The following RFC1 variants were observed in gnomAD, a reference collection of about 807,000 sequenced individuals.
RFC1 encodes replication factor C subunit 1.
In RFC1, 37 loss-of-function variants were observed where a neutral mutation model predicts 137.4. That is an observed-to-expected ratio of 0.27 (90% CI 0.21 to 0.35). The LOEUF is 0.35. RFC1 is among the 10% of genes least tolerant of loss of function. The pLI is 1.00. For missense variants in RFC1, 1,205 were observed against 1,358.5 expected (o/e 0.89, Z 1.78); for synonymous variants, 429 against 455.7 (o/e 0.94, Z 0.75).
At chr4:39,344,231 A>G (rs761216371) in intron 3 of RFC1, among the ~76,000 whole-genome samples, 5 of 152,192 alleles carry the variant, frequency 3.3e-5, no homozygotes, top group African/African-American at 4.8e-5. Context: ...TTTTACCATC[A>G]TTTTGTGCAT....
At chr4:39,362,327 T>C (rs1174678361) in intron 1 of RFC1, among the ~76,000 whole-genome samples, 2 of 152,072 alleles carry the variant, frequency 1.3e-5, no homozygotes, top group African/African-American at 4.8e-5. Flanking sequence ...TTCAAGGAAA[T>C]GGAATAGCCA....
chr4:39,318,495 C>G (rs948744580), intron 9 of RFC1, among the ~76,000 whole-genome samples: 1 of 152,212 alleles, frequency 6.6e-6, no homozygotes, highest in African/African-American at 2.4e-5. Flanking sequence ...TTTATGAAGT[C>G]AGAATTATTT....
chr4:39,294,134 C>T (rs1352366299), intron 22 of RFC1, among the ~76,000 whole-genome samples: 1 of 152,126 alleles, frequency 6.6e-6, no homozygotes, highest in East Asian at 1.9e-4. Context: ...TGTTTTAAGC[C>T]ATTATGTGTG....
intron 1 of RFC1, among the ~76,000 whole-genome samples, chr4:39,361,659 T>C (rs1336767798): frequency 1.3e-5 from 2 of 152,176 alleles, no homozygotes; most frequent in East Asian, 3.8e-4. Flanking sequence ...CTAAAAAATT[T>C]AGAATAATGA....
chr4:39,339,508 T>G (rs1461865057), intron 4 of RFC1, among the ~76,000 whole-genome samples: 2 of 152,190 alleles, frequency 1.3e-5, no homozygotes, highest in African/African-American at 4.8e-5. Context: ...ATTAAGCACT[T>G]TTTCATATAC....
At chr4:39,341,814 G>T in intron 4 of RFC1, 1 of 351,918 alleles carries the variant, frequency 2.8e-6, no homozygotes, top group South Asian at 2.2e-5. Flanking sequence ...TTTGAGATTA[G>T]CACATAATTA....
intron 6 of RFC1, among the ~76,000 whole-genome samples, chr4:39,324,480 C>T (rs1048976152): frequency 3.3e-5 from 5 of 152,202 alleles, no homozygotes; most frequent in African/African-American, 1.2e-4. Context: ...TTGACCTAGG[C>T]TACTTGTGCT....
intron 14 of RFC1, among the ~76,000 whole-genome samples, chr4:39,305,199 C>A (rs555967723): frequency 6.6e-6 from 1 of 152,186 alleles, no homozygotes; most frequent in South Asian, 2.1e-4. Context: ...AATCACTAAT[C>A]TGGAAGAGTA....
rs528874096 is a variant in RFC1 at position 39,303,334 on chromosome 4, C to T, written c.2111-183G>A. ...AAAAAGAATATGCAGAGAAGAGAAA[C>T]TCTCCCTGCCACCCCTTCCCCTGCA... On this transcript the variant is annotated intron_variant, in intron 15 of 24. Transcript: ENST00000349703. 3.1e-5 allele frequency: 18 copies of T among 584,784 alleles called. No individual in the cohort carries two copies. The African/African-American group carries it at 3.4e-4, about 11-fold the overall frequency. 36.2% of individuals were successfully genotyped at this position (584,784 alleles called of 1,614,324 possible).
At chr4:39,353,671 G>T (rs528245358) in intron 1 of RFC1, among the ~76,000 whole-genome samples, 2 of 152,242 alleles carry the variant, frequency 1.3e-5, no homozygotes, top group East Asian at 3.9e-4. Context: ...TGGAGCAAAT[G>T]AGTTTCGTAT....
intron 13 of RFC1, chr4:39,307,345 T>A (rs1738726649): frequency 6.5e-6 from 1 of 153,180 alleles, no homozygotes; most frequent in Non-Finnish European, 1.5e-5. Flanking sequence ...TCATACTCAA[T>A]AACTGACAGA....
chr4:39,323,373 T>C lies in RFC1; in HGVS notation c.687A>G (p.Leu229=), dbSNP rs1488248953. ...LHEDEEFART[L]AMLDEEPKTK... ...TCTTGGGTTCTTCATCCAACATGGC[T>C]AATGTTCTGGCAAACTCTTCATCTT... Residue 229 remains leucine, a synonymous_variant, in exon 7 of 25, where the codon TTA becomes TTG. Transcript: ENST00000349703. 6.2e-7 allele frequency: 1 copy of C among 1,614,110 alleles called. No individual in the cohort carries two copies. The highest frequency in any genetic ancestry group is 8.5e-7 in the Non-Finnish European group (1 of 1,179,982).
chr4:39,326,206 T>C (rs560445328), intron 6 of RFC1, among the ~76,000 whole-genome samples: 1 of 152,056 alleles, frequency 6.6e-6, no homozygotes, highest in Admixed American at 6.5e-5. Context: ...TCTCAAAAAA[T>C]AAAAAATAAA....
At chr4:39,336,575 G>A (rs182877637) in intron 4 of RFC1, among the ~76,000 whole-genome samples, 2 of 152,358 alleles carry the variant, frequency 1.3e-5, no homozygotes, top group Non-Finnish European at 1.5e-5. Context: ...TAACCTCCAC[G>A]TTACTGACAT....
At chr4:39,307,011 GATCCCAACTCC>G (rs2109625583) in intron 13 of RFC1, among the ~76,000 whole-genome samples, 1 of 152,218 alleles carries the variant, frequency 6.6e-6, no homozygotes, top group South Asian at 2.1e-4. Flanking sequence ...GCCGGGGCTC[GATCCCAACTCC>G]ATCCATCCTC....
intron 6 of RFC1, among the ~76,000 whole-genome samples, chr4:39,325,079 G>A (rs1161342775): frequency 6.6e-6 from 1 of 152,136 alleles, no homozygotes; most frequent in Non-Finnish European, 1.5e-5. Flanking sequence ...GTGGCCCAGG[G>A]CTCAATCCTG....
intron 23 of RFC1, 26 bp downstream of exon 23, chr4:39,291,613 A>G (rs2109575791): frequency 6.6e-7 from 1 of 1,522,886 alleles, no homozygotes; most frequent in Non-Finnish European, 9.1e-7. Context: ...GAAAGTGACG[A>G]AGAACCAGTG....
At chr4:39,292,951 C>T (rs17335514) in intron 22 of RFC1, among the ~76,000 whole-genome samples, 13 of 151,952 alleles carry the variant, frequency 8.6e-5, no homozygotes, top group Admixed American at 6.6e-5. Flanking sequence ...AGCCTGTATA[C>T]GTAAAACTTC....
chr4:39,320,615 C>T lies in RFC1; in HGVS notation c.863G>A (p.Ser288Asn). 2 of 1,611,598 alleles carry T rather than the reference C, an allele frequency of 1.2e-6. No individual in the cohort carries two copies. Among genetic ancestry groups the T allele is most frequent in the African/African-American group, 1.3e-5 (1 of 74,832 alleles). ...AGATTCTTTTGAACTTTCATATTTA[C>T]TTTGCTTCCTAGGACTGTAGCTCTT... ...ERKSYSPRKQSKYESSKESQQ... is the reference protein window; with the variant it reads ...ERKSYSPRKQNKYESSKESQQ... Residue 288 changes from serine to asparagine, a missense_variant, in exon 9 of 25, where the codon AGT becomes AAT. Around this residue, in one of 3 missense-constraint regions of RFC1, gnomAD observed 962 missense variants for 1,035.3 expected, o/e 0.93. Coordinates refer to ENST00000349703, the MANE Select transcript of RFC1 (RefSeq NM_002913.5).
Sources: allele counts gnomAD v4.1 joint callset (sites outside exome capture counted in the v4.1 genomes callset), GRCh38; gene constraint gnomAD v4.1.1; regional missense constraint gnomAD v4.1.1; transcripts MANE v1.5; gene names NCBI Gene and HGNC (gene_info 2026-07-23, HGNC 2026-07-21).